PECAM1: variants seen among roughly 807,000 people sequenced by gnomAD.
The protein encoded by PECAM1 is platelet and endothelial cell adhesion molecule 1, also known as platelet endothelial cell adhesion molecule.
PECAM1 carries 8 observed loss-of-function variants against 13.8 expected under a neutral mutation model. The ratio of observed to expected loss-of-function variants is 0.58; its 90% CI spans 0.34 to 1.05. The LOEUF is 1.05. PECAM1 is among the 50% of genes least tolerant of loss of function. PECAM1 has a pLI of 0.03. For synonymous variants in PECAM1, 136 were observed against 52.6 expected (o/e 2.58, Z -6.86); for missense variants, 304 against 141.2 (o/e 2.15, Z -5.84).
intron 2 of PECAM1, among the ~76,000 whole-genome samples, chr17:64,381,345 T>C (rs1044279415): frequency 6.6e-6 from 1 of 152,224 alleles, no homozygotes; most frequent in African/African-American, 2.4e-5. Context: ...TTGTGCTAAA[T>C]GGGCCATAGC....
intron 14 of PECAM1, among the ~76,000 whole-genome samples, chr17:64,340,613 C>CT (rs1200876722): frequency 6.6e-6 from 1 of 152,078 alleles, no homozygotes; most frequent in African/African-American, 2.4e-5. Flanking sequence ...TTATACCCCC[C>CT]CACCGAAAAA....
chr17:64,347,638 T>C lies in PECAM1; in HGVS notation c.2107+622A>G, dbSNP rs901546289. On this transcript the variant is annotated intron_variant, in intron 13 of 15. Transcript: ENST00000563924. Reference sequence around the variant, plus strand: ...TATAAAAATAAAAAATAAAAATATATAAAATATTATAAAATATATATTATA... The same window carrying C: ...TATAAAAATAAAAAATAAAAATATACAAAATATTATAAAATATATATTATA... Among the ~76,000 whole-genome samples, 5 of 138,420 alleles carry C rather than the reference T, an allele frequency of 3.6e-5. No individual in the cohort carries two copies. In the East Asian group the frequency reaches 8.1e-4, roughly 23 times the overall value. The allele number at this position is 138,420 out of a possible 152,430, so 90.8% of individuals were successfully genotyped here.
chr17:64,351,210 C>T (rs945631202), intron 11 of PECAM1, among the ~76,000 whole-genome samples: 34 of 151,990 alleles, frequency 2.2e-4, no homozygotes, highest in African/African-American at 7.7e-4. Flanking sequence ...TATATTTGCT[C>T]GTTTCTATTT....
At chr17:64,340,242 G>A (rs890626522) in intron 14 of PECAM1, among the ~76,000 whole-genome samples, 2 of 152,186 alleles carry the variant, frequency 1.3e-5, no homozygotes, top group Admixed American at 6.5e-5. Flanking sequence ...AGATTCCAGA[G>A]ACTAGTTTTG....
Position 64,322,363 on chromosome 17 carries a change from G to T in PECAM1, c.*1453C>A. 1 of 954,066 alleles carries T rather than the reference G, an allele frequency of 1.0e-6. No individual in the cohort carries two copies. The highest frequency in any genetic ancestry group is 1.2e-6 in the Non-Finnish European group (1 of 800,942). The allele number at this position is 954,066 out of a possible 1,614,324, so 59.1% of individuals were successfully genotyped here. On this transcript the variant is annotated 3_prime_UTR_variant, in exon 16 of 16. Transcript: ENST00000563924. ...GTTGCGCCGCTGCAGTCCAGCCCGG[G>T]CAACAAGAGCGAATCTCCGTCTCAA...
In PECAM1 at chr17:64,377,875, T is replaced by C. The variant is rs2036398230; in HGVS notation, c.334A>G (p.Ile112Val). 2.1e-6 allele frequency: 1 copy of C among 475,158 alleles called. No homozygotes were observed. The highest frequency in any genetic ancestry group is 6.7e-5 in the South Asian group (1 of 14,864). The allele number at this position is 475,158 out of a possible 1,614,324, so 29.4% of individuals were successfully genotyped here. ...YDSGTYKCTVIVNNKEKTTAE... is the reference protein window; with the variant it reads ...YDSGTYKCTVVVNNKEKTTAE... ...GTGGTTTTCTCTTTGTTGTTCACAA[T>C]CACAGTACATTTATATGTCCCTGAG... Residue 112 changes from isoleucine (I) to valine (V), a missense_variant, in exon 3 of 16, where the codon ATT becomes GTT. Coordinates refer to ENST00000563924, the MANE Select transcript of PECAM1 (RefSeq NM_000442.5).
At chr17:64,330,904 TC>T (rs1235256165) in intron 14 of PECAM1, among the ~76,000 whole-genome samples, 3 of 152,196 alleles carry the variant, frequency 2.0e-5, no homozygotes, top group Non-Finnish European at 4.4e-5. Context: ...AGCATAATTG[TC>T]CAATTAGCTA....
At chr17:64,363,080 A>G (rs1447981644) in intron 6 of PECAM1, 69 bp downstream of exon 6, 2 of 473,686 alleles carry the variant, frequency 4.2e-6, no homozygotes, top group Non-Finnish European at 7.7e-6. Context: ...AGAGGGCGGC[A>G]GCTGCAGATA....
At chr17:64,383,758 G>C (rs1033365941) in intron 2 of PECAM1, among the ~76,000 whole-genome samples, 2 of 152,180 alleles carry the variant, frequency 1.3e-5, no homozygotes, top group Admixed American at 1.3e-4. Flanking sequence ...GGTTTTTCCA[G>C]TAGGGATGGT....
Position 64,323,259 on chromosome 17 carries a change from C to T in PECAM1, c.*557G>A. On this transcript the variant is annotated 3_prime_UTR_variant, in exon 16 of 16. Transcript: ENST00000563924. ...TTCACAGGCGGTGCTCCCAAGTAGTCTGGTTTTCCCATTTGTGGAGGGCGA... is the reference window on the plus strand; with the variant it reads ...TTCACAGGCGGTGCTCCCAAGTAGTTTGGTTTTCCCATTTGTGGAGGGCGA... 3 of 992,766 alleles carry T rather than the reference C, an allele frequency of 3.0e-6. No individual in the cohort carries two copies. The highest frequency in any genetic ancestry group is 3.6e-6 in the Non-Finnish European group (3 of 834,314). 61.5% of individuals were successfully genotyped at this position (992,766 alleles called of 1,614,324 possible). A position where few individuals can be genotyped will look rare whatever the true frequency, so the allele number is the denominator to read the frequency against.
intron 13 of PECAM1, among the ~76,000 whole-genome samples, chr17:64,346,061 G>T (rs2035559571): frequency 6.6e-6 from 1 of 152,178 alleles, no homozygotes; most frequent in African/African-American, 2.4e-5. Flanking sequence ...GGCTGGCACG[G>T]CCTGGAAAAC....
At chr17:64,375,472 G>A (rs2036335713) in intron 3 of PECAM1, 116 bp from the exon 4 acceptor site, 2 of 397,546 alleles carry the variant, frequency 5.0e-6, no homozygotes, top group Non-Finnish European at 8.8e-6. Context: ...GTTGACCCAT[G>A]AGAGGGCTCT....
chr17:64,390,539 T>C, intron 1 of PECAM1, 24 bp from the exon 2 acceptor site: 2 of 474,212 alleles, frequency 4.2e-6, no homozygotes, highest in East Asian at 6.2e-5. Flanking sequence ...AAGAAACATG[T>C]TGATTCCAGA....
rs1598064873 is a variant in PECAM1 at position 64,390,626 on chromosome 17, C to T, written c.40G>A (p.Gly14Arg). ...RWAQGATMWL[G>R]VLLTLLLCSS... Reference sequence around the variant, plus strand: ...CAGAGCAGAAGGGTCAGCAGGACTCCAAGCCACATCGTGGCCCCTTGGGCC... The same window carrying T: ...CAGAGCAGAAGGGTCAGCAGGACTCTAAGCCACATCGTGGCCCCTTGGGCC... The change falls in exon 1 of 16, where the codon GGA (glycine) becomes AGA (arginine). Residue 14 changes from glycine to arginine, a missense_variant. By Grantham distance (125) the Gly-to-Arg change is moderately radical (BLOSUM62 -2). Transcript: ENST00000563924. 2 of 468,560 alleles carry T rather than the reference C, an allele frequency of 4.3e-6. No individual in the cohort carries two copies. Among genetic ancestry groups the T allele is most frequent in the East Asian group, 3.2e-5 (1 of 31,606 alleles). The allele number at this position is 468,560 out of a possible 1,614,324, so 29.0% of individuals were successfully genotyped here.
rs1208142826 is a variant in PECAM1, at chr17:64,347,527, TCAA to T, written c.2107+730_2107+732del. Among the ~76,000 whole-genome samples, 4 of 126,460 alleles carry T rather than the reference TCAA, an allele frequency of 3.2e-5. 1 individual carries two copies. The highest frequency in any genetic ancestry group is 6.4e-5 in the African/African-American group (2 of 31,494). The allele number at this position is 126,460 out of a possible 152,430, so 83.0% of individuals were successfully genotyped here. ...CCTGGGCACAGAGTGAGACTCCGTC[TCAA>T]CAAAGAAAAAAAAAATATATATATA... is the stretch of plus-strand genomic sequence containing the variant. On this transcript the variant is annotated intron_variant, in intron 13 of 15. Transcript: ENST00000563924.
intron 13 of PECAM1, among the ~76,000 whole-genome samples, chr17:64,345,474 T>A (rs2035540225): frequency 6.6e-6 from 1 of 151,818 alleles, no homozygotes; most frequent in South Asian, 2.1e-4. Context: ...GCACTTTGGG[T>A]GGTCAAGGCG....
intron 5 of PECAM1, among the ~76,000 whole-genome samples, chr17:64,367,856 C>T (rs973010725): frequency 6.6e-6 from 1 of 151,958 alleles, no homozygotes; most frequent in African/African-American, 2.4e-5. Flanking sequence ...AAAAAAATAC[C>T]ATGAGCCATC....
At chr17:64,339,194 C>T (rs2035363866) in intron 14 of PECAM1, among the ~76,000 whole-genome samples, 1 of 152,126 alleles carries the variant, frequency 6.6e-6, no homozygotes, top group Non-Finnish European at 1.5e-5. Flanking sequence ...CTTCCACCTT[C>T]TACCACCCGA....
At chr17:64,385,491 T>C (rs2036573247) in intron 2 of PECAM1, among the ~76,000 whole-genome samples, 1 of 152,112 alleles carries the variant, frequency 6.6e-6, no homozygotes, top group Non-Finnish European at 1.5e-5. Context: ...CCTGATGAAC[T>C]TCTGTGCTCA....
Sources: allele counts gnomAD v4.1 joint callset (sites outside exome capture counted in the v4.1 genomes callset), GRCh38; gene constraint gnomAD v4.1.1; transcripts MANE v1.5; gene names NCBI Gene and HGNC (gene_info 2026-07-23, HGNC 2026-07-21).